Variants in ASPHD1 observed in about 807,000 individuals in gnomAD.
The protein encoded by ASPHD1 is aspartate beta-hydroxylase domain containing 1.
Under a neutral mutation model 28.3 loss-of-function variants are expected in ASPHD1, and 20 were observed. The ratio of observed to expected loss-of-function variants is 0.71; its 90% confidence interval spans 0.50 to 1.03. The LOEUF is 1.03. ASPHD1 is among the 50% of genes least tolerant of loss of function. ASPHD1 has a pLI of 0.00. For missense variants in ASPHD1, 479 were observed against 524.1 expected (o/e 0.91, Z 0.84); for synonymous variants, 240 against 221.2 (o/e 1.08, Z -0.75).
downstream of ASPHD1, chr16:29,910,940 C>A (rs756082849): frequency 1.3e-6 from 2 of 1,581,576 alleles, no homozygotes; most frequent in Admixed American, 1.7e-5. Context: ...GTCCTGGCCA[C>A]CCCCAGCCCC....
At position 29,901,285 on chromosome 16, in the gene ASPHD1, C is replaced by T. The variant is rs760722785; in HGVS notation, c.314C>T (p.Ala105Val). 6.2e-7 allele frequency: 1 copy of T among 1,612,750 alleles called. No individual in the cohort carries two copies. Among genetic ancestry groups the T allele is most frequent in the Non-Finnish European group, 8.5e-7 (1 of 1,179,752 alleles). Residue 105 changes from alanine (A) to valine (V), a missense_variant, in exon 1 of 3, where the codon GCC (alanine) becomes GTC (valine). Coordinates refer to ENST00000308748, the MANE Select transcript of ASPHD1 (RefSeq NM_181718.4). The surrounding 1 kb of genome is among the most constrained non-coding windows in gnomAD (Gnocchi z 5.1). ...CYRLGSQDMQ[A>V]LGAGSRAGGV... ...CGCCTGGGCTCCCAAGACATGCAGG[C>T]CCTAGGGGCTGGGAGCCGAGCTGGG...
intron 3 of ASPHD1, chr16:29,912,385 TC>T: frequency 2.4e-6 from 1 of 409,476 alleles, no homozygotes; most frequent in Non-Finnish European, 4.4e-6. Flanking sequence ...GGGCCAGCCC[TC>T]CCCAGCCCCC....
At chr16:29,911,074 G>A (rs753876675) in intron 3 of ASPHD1, 37 of 1,614,040 alleles carry the variant, frequency 2.3e-5, no homozygotes, top group Admixed American at 1.7e-4. Context: ...AGCAGATCTC[G>A]TCCCCCAGGA....
chr16:29,901,653 A>G lies in ASPHD1; in HGVS notation c.682A>G (p.Ser228Gly). 1.3e-6 allele frequency: 2 copies of G among 1,580,698 alleles called. No individual in the cohort carries two copies. The highest frequency in any genetic ancestry group is 1.7e-6 in the Non-Finnish European group (2 of 1,170,384). The change falls in exon 1 of 3, where the codon AGC becomes GGC. Residue 228 changes from serine (S) to glycine (G), a missense_variant. Coordinates refer to ENST00000308748, the MANE Select transcript of ASPHD1 (RefSeq NM_181718.4). This position sits in a 1 kb window ranked among gnomAD's most constrained non-coding sequence, Gnocchi z 5.1. Reference sequence around the variant, plus strand: ...CATTTTGCGGGACTTCGGGGCTGTGAGCTGGGACTTCTCAGGGACTACCCC... The same window carrying G: ...CATTTTGCGGGACTTCGGGGCTGTGGGCTGGGACTTCTCAGGGACTACCCC... The part of the protein sequence containing the change: ...PAILRDFGAV[S>G]WDFSGTTPPP...
intron 3 of ASPHD1, among the ~76,000 whole-genome samples, chr16:29,918,394 C>T (rs1388156973): frequency 1.3e-5 from 2 of 152,154 alleles, no homozygotes; most frequent in East Asian, 1.9e-4. Flanking sequence ...TGTGGCCCAA[C>T]GTGAAATACA....
At chr16:29,918,863 T>G (rs1198116669) in intron 3 of ASPHD1, among the ~76,000 whole-genome samples, 2 of 152,174 alleles carry the variant, frequency 1.3e-5, no homozygotes, top group African/African-American at 4.8e-5. Flanking sequence ...TTTCACCATG[T>G]TGGCCAGGCT....
At chr16:29,917,394 C>A (rs968659311) in intron 3 of ASPHD1, among the ~76,000 whole-genome samples, 2 of 152,136 alleles carry the variant, frequency 1.3e-5, no homozygotes, top group African/African-American at 4.8e-5. Context: ...CACCTGTAAT[C>A]CCAGCACTTT....
At chr16:29,910,346 G>A (rs185012785), downstream of ASPHD1, among the ~76,000 whole-genome samples, 48 of 151,948 alleles carry the variant, frequency 3.2e-4, no homozygotes, top group East Asian at 9.7e-4. Context: ...TGCGGTGAGC[G>A]GAGATTGTGC....
chr16:29,904,076 CAGG>C lies in ASPHD1; in HGVS notation c.950-771_950-769del, dbSNP rs1204693448. On this transcript the variant is annotated intron_variant, in intron 1 of 2. Coordinates refer to ENST00000308748, the MANE Select transcript of ASPHD1 (RefSeq NM_181718.4). ...ATACCAGCACTTTGGGAGGCCAAAG[CAGG>C]AGGATTGCTTGAGGCCAGGAGTTCA... is the stretch of plus-strand genomic sequence containing the variant. 1.7e-3 allele frequency among the ~76,000 whole-genome samples: 260 copies of C among 152,008 alleles called. 7 individuals carry two copies. The highest frequency in any genetic ancestry group is 5.7e-4 in the Non-Finnish European group (39 of 68,000).
chr16:29,902,805 G>A (rs528217430), intron 1 of ASPHD1, among the ~76,000 whole-genome samples: 10 of 151,360 alleles, frequency 6.6e-5, no homozygotes, highest in African/African-American at 2.2e-4. Context: ...ATGAGCCACC[G>A]TGCCTAGCCC....
At chr16:29,906,573 AAAG>A, downstream of ASPHD1, 1 of 547,444 alleles carries the variant, frequency 1.8e-6, no homozygotes, top group Non-Finnish European at 3.5e-6. Context: ...TGCACTAAAA[AAAG>A]AGAAAGGGAA....
At position 29,901,957 on chromosome 16, in the gene ASPHD1, CGAT is replaced by C; in HGVS notation, c.949+41_949+43del. ...CCGCCTACTGACAACCTCCTTGCCT[CGAT>C]GATTTCCCCCCCAGACCCTTCTCTC... On this transcript the variant is annotated intron_variant, in intron 1 of 2. Coordinates refer to ENST00000308748, the MANE Select transcript of ASPHD1 (RefSeq NM_181718.4). This position sits in a 1 kb window ranked among gnomAD's most constrained non-coding sequence, Gnocchi z 5.1. 1.4e-6 allele frequency: 2 copies of C among 1,414,316 alleles called. No homozygotes were observed. The highest frequency in any genetic ancestry group is 5.3e-5 in the East Asian group (2 of 37,430). 87.6% of individuals were successfully genotyped at this position (1,414,316 alleles called of 1,614,324 possible). A position where few individuals can be genotyped will look rare whatever the true frequency, so the allele number is the denominator to read the frequency against.
chr16:29,905,296 T>C (rs2150830001), intron 2 of ASPHD1: 2 of 247,036 alleles, frequency 8.1e-6, no homozygotes, highest in South Asian at 5.1e-5. Flanking sequence ...TAGGGATAAT[T>C]ATGGTAATAC....
At position 29,900,863 on chromosome 16, in the gene ASPHD1, C is replaced by A; in HGVS notation, c.-109C>A. On this transcript the variant is annotated 5_prime_UTR_variant, in exon 1 of 3. The change creates a new upstream start codon in the 5' untranslated region. Coordinates refer to ENST00000308748, the MANE Select transcript of ASPHD1 (RefSeq NM_181718.4). Reference sequence around the variant, plus strand: ...GAGAAGCAGAGCGAGAGAGAGGAGGCTGCTGGAAGGAGAAAGAAGAGGGTG... The same window carrying A: ...GAGAAGCAGAGCGAGAGAGAGGAGGATGCTGGAAGGAGAAAGAAGAGGGTG... 2 of 950,408 alleles carry A rather than the reference C, an allele frequency of 2.1e-6. No individual in the cohort carries two copies. Among genetic ancestry groups the A allele is most frequent in the Non-Finnish European group, 3.2e-6 (2 of 628,042 alleles). 58.9% of individuals were successfully genotyped at this position (950,408 alleles called of 1,614,324 possible).
intron 3 of ASPHD1, chr16:29,911,365 C>T (rs986428486): frequency 1.7e-6 from 1 of 598,052 alleles, no homozygotes; most frequent in Non-Finnish European, 2.9e-6. Flanking sequence ...CTGAGCAAAT[C>T]CCAGCACAGC....
Position 29,906,010 on chromosome 16 carries a change from G to GT in ASPHD1, c.*113_*114insT. Reference sequence around the variant, plus strand: ...GGGGGTGGGCGGGGGCGGAGGATGGGAACTGGCTAGTGAGCACTGAAATAT... The same window carrying GT: ...GGGGGTGGGCGGGGGCGGAGGATGGGTAACTGGCTAGTGAGCACTGAAATAT... On this transcript the variant is annotated 3_prime_UTR_variant, in exon 3 of 3. Coordinates refer to ENST00000308748, the MANE Select transcript of ASPHD1 (RefSeq NM_181718.4). 1.6e-6 allele frequency: 1 copy of GT among 622,972 alleles called. No homozygotes were observed. The highest frequency in any genetic ancestry group is 2.8e-6 in the Non-Finnish European group (1 of 358,340). 38.6% of individuals were successfully genotyped at this position (622,972 alleles called of 1,614,324 possible). A position where few individuals can be genotyped will look rare whatever the true frequency, so the allele number is the denominator to read the frequency against.
chr16:29,905,098 C>A, intron 2 of ASPHD1, 133 bp downstream of exon 2: 1 of 631,642 alleles, frequency 1.6e-6, no homozygotes. Flanking sequence ...TGACCTTGAA[C>A]AAGCCGCATA....
At chr16:29,906,316 C>G (rs2068611351), downstream of ASPHD1, 1 of 205,652 alleles carries the variant, frequency 4.9e-6, no homozygotes, top group Non-Finnish European at 9.9e-6. Flanking sequence ...CTCCCCGTCC[C>G]TCTCCCCAGG....
chr16:29,906,148 CTTTT>C (rs770827164), downstream of ASPHD1: 92 of 177,336 alleles, frequency 5.2e-4, no homozygotes, highest in Middle Eastern at 2.2e-3. Flanking sequence ...TTTTTTCTTT[CTTTT>C]TTTTTTTTTT....
Sources: allele counts gnomAD v4.1 joint callset (sites outside exome capture counted in the v4.1 genomes callset), GRCh38; gene constraint gnomAD v4.1.1; non-coding constraint Gnocchi (gnomAD v3.1); transcripts MANE v1.5; gene names NCBI Gene and HGNC (gene_info 2026-07-23, HGNC 2026-07-21).